Variants in DLG1 observed in about 807,000 individuals in gnomAD.
DLG1 encodes the protein disks large homolog 1.
DLG1 carries 42 observed loss-of-function variants against 123.4 expected under a neutral mutation model. The ratio of observed to expected loss-of-function variants is 0.34; its 90% CI spans 0.27 to 0.44. The LOEUF is 0.44. Among genes scored for constraint, DLG1 ranks in the 20% least tolerant of loss-of-function variants. The pLI is 1.00. For missense variants in DLG1, 942 were observed against 1,082.6 expected (o/e 0.87, Z 1.82); for synonymous variants, 317 against 356.2 (o/e 0.89, Z 1.24).
At chr3:197,111,316 C>G (rs1362641395) in intron 13 of DLG1, among the ~76,000 whole-genome samples, 2 of 152,144 alleles carry the variant, frequency 1.3e-5, no homozygotes, top group African/African-American at 4.8e-5. Flanking sequence ...GTTGGTCTCA[C>G]ACACTTTAGC....
intron 10 of DLG1, 36 bp from the exon 11 acceptor site, chr3:197,130,707 C>T: frequency 6.7e-7 from 1 of 1,483,298 alleles, no homozygotes; most frequent in Non-Finnish European, 9.1e-7. Flanking sequence ...ATGACATATT[C>T]ACTTGTTCTC....
intron 7 of DLG1, 56 bp from the exon 8 acceptor site, chr3:197,140,320 T>C: frequency 6.4e-7 from 1 of 1,570,034 alleles, no homozygotes; most frequent in Non-Finnish European, 8.7e-7. Context: ...TATGGACAGG[T>C]TCCTGTCATT....
intron 5 of DLG1, among the ~76,000 whole-genome samples, chr3:197,156,888 A>C (rs1796629111): frequency 1.3e-5 from 2 of 152,236 alleles, no homozygotes; most frequent in South Asian, 2.1e-4. Context: ...TGGGCAGAAC[A>C]ACCAGACATA....
intron 4 of DLG1, among the ~76,000 whole-genome samples, chr3:197,262,066 GTCT>G (rs1350759256): frequency 1.3e-5 from 2 of 152,302 alleles, no homozygotes; most frequent in African/African-American, 4.8e-5. Context: ...TAATGGGAAG[GTCT>G]TCTTTTGTTC....
intron 4 of DLG1, among the ~76,000 whole-genome samples, chr3:197,277,211 GT>G (rs1020999300): frequency 2.7e-3 from 393 of 143,836 alleles, no homozygotes; most frequent in East Asian, 7.5e-3. Context: ...TACTTTTATG[GT>G]TTTTTTTTTT....
chr3:197,216,127 C>T (rs1050903665), intron 4 of DLG1, among the ~76,000 whole-genome samples: 5 of 152,116 alleles, frequency 3.3e-5, no homozygotes, highest in Non-Finnish European at 5.9e-5. Context: ...GTTACTCTTT[C>T]TTAAGATATT....
At chr3:197,199,548 G>T (rs756518309) in intron 4 of DLG1, among the ~76,000 whole-genome samples, 1 of 152,094 alleles carries the variant, frequency 6.6e-6, no homozygotes, top group East Asian at 1.9e-4. Context: ...TCCAAAATCC[G>T]AAACGCTTCT....
chr3:197,116,110 T>C (rs1466196926), intron 12 of DLG1, 27 bp from the exon 13 acceptor site: 1 of 1,576,756 alleles, frequency 6.3e-7, no homozygotes, highest in Non-Finnish European at 8.6e-7. Context: ...ATTGAGTATC[T>C]TGGAAATTTT....
At chr3:197,247,477 G>C (rs112333667) in intron 4 of DLG1, among the ~76,000 whole-genome samples, 1 of 151,986 alleles carries the variant, frequency 6.6e-6, no homozygotes, top group Non-Finnish European at 1.5e-5. Context: ...ATACCTTTAG[G>C]GGGTAAAGGA....
intron 3 of DLG1, among the ~76,000 whole-genome samples, chr3:197,294,458 T>A (rs338211): frequency 0.56 from 85,650 of 151,736 alleles, 24,704 homozygotes; most frequent in East Asian, 0.79. Context: ...CATCCTGGCT[T>A]ACACAGTGAA....
Position 197,065,430 on chromosome 3 carries a change from C to T in DLG1, c.2219G>A (p.Arg740Gln). Residue 740 changes from arginine to glutamine, a missense_variant, in exon 22 of 25, where the codon CGA becomes CAA. Coordinates refer to ENST00000667157, the MANE Select transcript of DLG1 (RefSeq NM_001366207.1). ...SCVPHTTRPK[R>Q]DYEVDGRDYH... ...ATCTCTTCCATCTACCTCATAATCT[C>T]GTTTTGGTCTAGTTGTATCTTTAAC... 6.2e-7 allele frequency: 1 copy of T among 1,608,766 alleles called. No homozygotes were observed. Among genetic ancestry groups the T allele is most frequent in the Non-Finnish European group, 8.5e-7 (1 of 1,178,334 alleles).
At chr3:197,052,403 C>T (rs1040450954) in intron 23 of DLG1, among the ~76,000 whole-genome samples, 6 of 151,878 alleles carry the variant, frequency 4.0e-5, no homozygotes, top group Non-Finnish European at 5.9e-5. Context: ...TGCAGTGAGC[C>T]GAGATCGTGC....
chr3:197,097,033 C>T (rs1305326842), intron 14 of DLG1, among the ~76,000 whole-genome samples: 1 of 152,202 alleles, frequency 6.6e-6, no homozygotes, highest in Non-Finnish European at 1.5e-5. Context: ...AAGACATGAC[C>T]TCAGACACTG....
At chr3:197,267,198 A>AT (rs908019851) in intron 4 of DLG1, among the ~76,000 whole-genome samples, 2 of 152,312 alleles carry the variant, frequency 1.3e-5, no homozygotes, top group South Asian at 2.1e-4. Flanking sequence ...TGATTAAAAT[A>AT]TTTTTTTAAA....
At chr3:197,280,130 C>T (rs1376891092) in intron 4 of DLG1, among the ~76,000 whole-genome samples, 1 of 152,160 alleles carries the variant, frequency 6.6e-6, no homozygotes, top group Non-Finnish European at 1.5e-5. Context: ...CTCTCTTCAT[C>T]TTTTCCCTCT....
chr3:197,275,185 CAAAA>C (rs59857108), intron 4 of DLG1, among the ~76,000 whole-genome samples: 1 of 124,066 alleles, frequency 8.1e-6, no homozygotes, highest in South Asian at 2.6e-4. Flanking sequence ...GACTCTGTCT[CAAAA>C]AAAAAAAAAA....
chr3:197,219,978 G>C (rs1736109630), intron 4 of DLG1, among the ~76,000 whole-genome samples: 1 of 152,138 alleles, frequency 6.6e-6, no homozygotes, highest in Non-Finnish European at 1.5e-5. Context: ...AACTAATACA[G>C]AGCTTTAAAA....
rs115369806 is a variant in DLG1 at position 197,062,801 on chromosome 3, C to T, written c.2373+2475G>A. On this transcript the variant is annotated intron_variant, in intron 22 of 24. Coordinates refer to ENST00000667157, the MANE Select transcript of DLG1 (RefSeq NM_001366207.1). The stretch of plus-strand genomic sequence containing the variant: ...TTAGTGGATAAAGCAAATAAACATA[C>T]GTGTGTGTATACATAAATACACATC... Among the ~76,000 whole-genome samples, 1,014 of 152,254 alleles carry T rather than the reference C, an allele frequency of 6.7e-3. 10 individuals carry two copies. Among genetic ancestry groups the T allele is most frequent in the Non-Finnish European group, 0.01 (700 of 68,010 alleles).
intron 14 of DLG1, among the ~76,000 whole-genome samples, chr3:197,094,798 T>A (rs1432045801): frequency 6.6e-6 from 1 of 152,216 alleles, no homozygotes; most frequent in African/African-American, 2.4e-5. Flanking sequence ...AAAGTCTGTT[T>A]GATTCAGCTT....
Sources: gnomAD v4.1 joint callset for allele counts (sites outside exome capture counted in the v4.1 genomes callset) on GRCh38, gnomAD v4.1.1 for gene constraint, MANE v1.5 for transcripts, NCBI Gene and HGNC (gene_info 2026-07-23, HGNC 2026-07-21) for gene names.